Variants in F13B observed in about 807,000 individuals in gnomAD.
F13B encodes coagulation factor XIII B chain, also known as TGase.
F13B carries 58 observed loss-of-function variants against 79.8 expected under a neutral mutation model. The observed-to-expected ratio is 0.73, with a 90% CI of 0.59 to 0.90. The LOEUF (loss-of-function observed/expected upper bound fraction) is 0.90. F13B is among the 40% of genes least tolerant of loss of function. The probability of loss-of-function intolerance (pLI) is 0.00; values close to 1 mark genes in which losing one functional copy is unlikely to be tolerated. For synonymous variants in F13B, 283 were observed against 260.3 expected (o/e 1.09, Z -0.84); for missense variants, 773 against 777.0 (o/e 0.99, Z 0.06).
chr1:197,065,771 GTTAAA>G (rs1656025133), intron 1 of F13B, among the ~76,000 whole-genome samples: 1 of 152,132 alleles, frequency 6.6e-6, no homozygotes, highest in African/African-American at 2.4e-5. Flanking sequence ...AGAGTAACAT[GTTAAA>G]ACATTGTAGT....
Position 197,052,792 on chromosome 1 carries a change from A to T in F13B, c.1397T>A (p.Ile466Lys). Reference sequence around the variant, plus strand: ...CCCTTCATATTTCCACTTCATTTCTATGTTATTTCTGTTCATGTAATCCAC... The same window carrying T: ...CCCTTCATATTTCCACTTCATTTCTTTGTTATTTCTGTTCATGTAATCCAC... ...VNVDYMNRNN[I>K]EMKWKYEGKV... The change falls in exon 9 of 12, where the codon ATA (isoleucine) becomes AAA (lysine). Residue 466 changes from isoleucine to lysine, a missense_variant. By Grantham distance (102) the Ile-to-Lys change is moderately radical. Transcript: ENST00000367412. 1 of 1,610,698 alleles carries T rather than the reference A, an allele frequency of 6.2e-7. No individual in the cohort carries two copies. Among genetic ancestry groups the T allele is most frequent in the Non-Finnish European group, 8.5e-7 (1 of 1,178,668 alleles).
chr1:197,051,416 T>C (rs1558306848), intron 9 of F13B, among the ~76,000 whole-genome samples: 3 of 152,250 alleles, frequency 2.0e-5, no homozygotes, highest in Non-Finnish European at 4.4e-5. Context: ...ATGATTTCTG[T>C]ATATATTATT....
chr1:197,055,869 AG>A lies in F13B; in HGVS notation c.1199del (p.Pro400LeufsTer3), dbSNP rs1257552053. Reference protein sequence around the residue: ...VENNENCKHPPVVMNGAVADG... With the variant: ...VENNENCKHPXVVMNGAVADG... The stretch of plus-strand genomic sequence containing the variant: ...CTGCAACAGCCCCATTCATTACAAC[AG>A]GAGGATGCTTACAATTCTCATTATT... On this transcript the variant is annotated frameshift_variant, in exon 8 of 12. Transcript: ENST00000367412. LOFTEE classifies it high-confidence loss of function. The A allele has an allele frequency of 6.2e-7, 1 of 1,613,394 alleles. No individual in the cohort carries two copies. Among genetic ancestry groups the A allele is most frequent in the Non-Finnish European group, 8.5e-7 (1 of 1,179,684 alleles).
chr1:197,059,308 C>G (rs1056124150), intron 5 of F13B, among the ~76,000 whole-genome samples: 1 of 152,104 alleles, frequency 6.6e-6, no homozygotes, highest in South Asian at 2.1e-4. Flanking sequence ...ATGTCGAGCA[C>G]AAATGAAAAA....
At chr1:197,045,962 C>T (rs1299529619) in intron 10 of F13B, among the ~76,000 whole-genome samples, 1 of 152,136 alleles carries the variant, frequency 6.6e-6, no homozygotes, top group Non-Finnish European at 1.5e-5. Flanking sequence ...CAAAATTCAA[C>T]AGCCCTTCAT....
At chr1:197,051,604 C>T (rs1421402267) in intron 9 of F13B, among the ~76,000 whole-genome samples, 1 of 151,950 alleles carries the variant, frequency 6.6e-6, no homozygotes, top group Non-Finnish European at 1.5e-5. Flanking sequence ...TGATTTTTTC[C>T]CTTCATAAAA....
At chr1:197,060,587 T>C in intron 4 of F13B, 45 bp from the exon 5 acceptor site, 1 of 1,379,818 alleles carries the variant, frequency 7.2e-7, no homozygotes, top group Non-Finnish European at 1.0e-6. Flanking sequence ...ATGTTTATTT[T>C]TTCTGCTACA....
At chr1:197,061,753 T>C (rs1332020089) in intron 3 of F13B, 31 bp downstream of exon 3, 2 of 1,582,228 alleles carry the variant, frequency 1.3e-6, no homozygotes, top group African/African-American at 2.7e-5. Context: ...GATAAGCACT[T>C]ATCTTCAGTT....
rs935406359 is a variant in F13B, at chr1:197,055,605, A to T, written c.1354+110T>A. On this transcript the variant is annotated intron_variant, in intron 8 of 11. Coordinates refer to ENST00000367412, the MANE Select transcript of F13B (RefSeq NM_001994.3). ...TCTACTTAAAGAAATGAGAGAGAAAACACTTGTGAAAAAAGATTTGTACAA... is the reference window on the plus strand; with the variant it reads ...TCTACTTAAAGAAATGAGAGAGAAATCACTTGTGAAAAAAGATTTGTACAA... 1.5e-4 allele frequency: 181 copies of T among 1,175,376 alleles called. No individual in the cohort carries two copies. The South Asian group carries it at 2.3e-3, about 15-fold the overall frequency. 72.8% of individuals were successfully genotyped at this position (1,175,376 alleles called of 1,614,324 possible). A position where few individuals can be genotyped will look rare whatever the true frequency, so the allele number is the denominator to read the frequency against.
intron 1 of F13B, among the ~76,000 whole-genome samples, chr1:197,065,179 A>C (rs1324041378): frequency 6.6e-6 from 1 of 152,174 alleles, no homozygotes; most frequent in African/African-American, 2.4e-5. Context: ...CCTGAGGGGC[A>C]CAGTTGCTTG....
At chr1:197,050,910 A>T in intron 9 of F13B, 31 bp from the exon 10 acceptor site, 8 of 1,553,806 alleles carry the variant, frequency 5.1e-6, no homozygotes, top group Non-Finnish European at 7.1e-6. Flanking sequence ...GTATACAATG[A>T]ATTGCTATAA....
intron 1 of F13B, 152 bp from the exon 2 acceptor site, chr1:197,063,209 C>T: frequency 1.5e-6 from 1 of 660,886 alleles, no homozygotes; most frequent in Non-Finnish European, 2.6e-6. Context: ...TTTGTGACAA[C>T]TCAAGCAGTC....
rs1402774718 is a variant in F13B, at chr1:197,060,970, G to A, written c.557C>T (p.Thr186Ile). The A allele has an allele frequency of 2.5e-6, 4 of 1,612,882 alleles. No individual in the cohort carries two copies. The African/African-American group carries it at 5.3e-5, about 22-fold the overall frequency. Reference sequence around the variant, plus strand: ...CTCCTCTGTCTTCTTTCCTCCAGCTGTGTAGTAGCCAGTAGCACATTCGTA... The same window carrying A: ...CTCCTCTGTCTTCTTTCCTCCAGCTATGTAGTAGCCAGTAGCACATTCGTA... ...VQYECATGYY[T>I]AGGKKTEEVE... The change falls in exon 4 of 12, where the codon ACA becomes ATA. Residue 186 changes from threonine to isoleucine, a missense_variant. By Grantham distance (89) the Thr-to-Ile change is moderately conservative (BLOSUM62 -1). Transcript: ENST00000367412.
intron 11 of F13B, among the ~76,000 whole-genome samples, chr1:197,039,930 T>C (rs1293020985): frequency 6.6e-6 from 1 of 152,100 alleles, no homozygotes; most frequent in Non-Finnish European, 1.5e-5. Flanking sequence ...ATTTTTTATA[T>C]ATAGTGTCTT....
chr1:197,053,429 T>G (rs1038587805), intron 8 of F13B, among the ~76,000 whole-genome samples: 2 of 152,016 alleles, frequency 1.3e-5, no homozygotes, highest in South Asian at 2.1e-4. Context: ...TCTCATGAGA[T>G]CTGATGGTTT....
At chr1:197,050,547 A>C (rs759319605) in intron 10 of F13B, 150 bp downstream of exon 10, 8 of 704,754 alleles carry the variant, frequency 1.1e-5, no homozygotes, top group African/African-American at 3.6e-5. Flanking sequence ...TAGAGGAAAG[A>C]ATAGAAAGCA....
At chr1:197,054,353 AAACATTTAT>A (rs1275791644) in intron 8 of F13B, among the ~76,000 whole-genome samples, 11 of 152,102 alleles carry the variant, frequency 7.2e-5, no homozygotes, top group Admixed American at 3.9e-4. Flanking sequence ...TTAATATCAA[AAACATTTAT>A]AAAAATATGA....
chr1:197,044,628 G>T (rs755800343), intron 10 of F13B, among the ~76,000 whole-genome samples: 16 of 151,994 alleles, frequency 1.1e-4, no homozygotes, highest in Non-Finnish European at 1.8e-4. Context: ...GAATATCCAG[G>T]ACTTGAACTC....
Position 197,039,277 on chromosome 1 carries a change from A to G in F13B, c.*101T>C. Reference sequence around the variant, plus strand: ...ATAATTTAGATTCAAATATTTAAGCAAGGAAAAACTCCGAAGTTTTTAACT... The same window carrying G: ...ATAATTTAGATTCAAATATTTAAGCGAGGAAAAACTCCGAAGTTTTTAACT... On this transcript the variant is annotated 3_prime_UTR_variant, in exon 12 of 12. Transcript: ENST00000367412. The G allele has an allele frequency of 2.1e-6, 2 of 960,208 alleles. No individual in the cohort carries two copies. Among genetic ancestry groups the G allele is most frequent in the Admixed American group, 3.9e-5 (2 of 51,044 alleles). The allele number at this position is 960,208 out of a possible 1,614,324, so 59.5% of individuals were successfully genotyped here.
Sources: allele counts gnomAD v4.1 joint callset (sites outside exome capture counted in the v4.1 genomes callset), GRCh38; gene constraint gnomAD v4.1.1; transcripts MANE v1.5; gene names NCBI Gene and HGNC (gene_info 2026-07-23, HGNC 2026-07-21).